PDE7A: variants seen among roughly 807,000 people sequenced by gnomAD.
PDE7A encodes phosphodiesterase 7A, also known as high affinity 3',5'-cyclic-AMP phosphodiesterase 7A.
Under a neutral mutation model 64.3 loss-of-function variants are expected in PDE7A, and 39 were observed. That is an observed-to-expected ratio of 0.61 (90% CI 0.47 to 0.79). PDE7A has a LOEUF of 0.79. PDE7A is among the 30% of genes least tolerant of loss of function. The probability of loss-of-function intolerance (pLI) is 0.00; values close to 1 mark genes in which losing one functional copy is unlikely to be tolerated. For missense variants in PDE7A, 470 were observed against 582.8 expected, an observed-to-expected ratio of 0.81 and a Z score of 1.99; for synonymous variants, 203 against 206.8, an observed-to-expected ratio of 0.98 and a Z score of 0.16.
In PDE7A at chr8:65,718,593, A is replaced by G. The variant is rs1473719927; in HGVS notation, c.*697T>C. 1 of 152,350 alleles carries G rather than the reference A, an allele frequency of 6.6e-6. No homozygotes were observed. Among genetic ancestry groups the G allele is most frequent in the Non-Finnish European group, 1.5e-5 (1 of 68,134 alleles). 9.4% of individuals were successfully genotyped at this position (152,350 alleles called of 1,614,324 possible). A position where few individuals can be genotyped will look rare whatever the true frequency, so the allele number is the denominator to read the frequency against. The stretch of plus-strand genomic sequence containing the variant: ...ATTGCTAAAAAAAATTGCATTGCCA[A>G]ACGGCACTGGAGTGAAAGCTTGGCG... On this transcript the variant is annotated 3_prime_UTR_variant, in exon 13 of 13. Transcript: ENST00000401827.
chr8:65,820,707 A>G (rs1194662214), intron 1 of PDE7A, among the ~76,000 whole-genome samples: 3 of 151,468 alleles, frequency 2.0e-5, no homozygotes, highest in Admixed American at 6.6e-5. Context: ...CTCGTGCCTC[A>G]GCCTCTCAAG....
At chr8:65,815,222 A>T (rs1810371213) in intron 1 of PDE7A, among the ~76,000 whole-genome samples, 1 of 152,224 alleles carries the variant, frequency 6.6e-6, no homozygotes, top group African/African-American at 2.4e-5. Context: ...TAGATAATCT[A>T]TGATCCCAGC....
intron 1 of PDE7A, among the ~76,000 whole-genome samples, chr8:65,791,962 A>G (rs537962180): frequency 1.3e-5 from 2 of 152,234 alleles, no homozygotes; most frequent in South Asian, 4.1e-4. Context: ...TAAAATTTCA[A>G]TAAGATGAAA....
intron 1 of PDE7A, among the ~76,000 whole-genome samples, chr8:65,816,444 CTCT>C (rs1810404571): frequency 1.3e-5 from 2 of 152,130 alleles, no homozygotes; most frequent in Non-Finnish European, 2.9e-5. Context: ...ATTTCCAGTG[CTCT>C]TCATTTCTTC....
intron 1 of PDE7A, among the ~76,000 whole-genome samples, chr8:65,806,923 C>G (rs558620076): frequency 6.8e-4 from 104 of 152,332 alleles, no homozygotes; most frequent in Non-Finnish European, 1.2e-3. Context: ...TGCCAGCACC[C>G]CACTGTCTTG....
chr8:65,774,762 T>C (rs1809209533), intron 3 of PDE7A, among the ~76,000 whole-genome samples: 1 of 151,986 alleles, frequency 6.6e-6, no homozygotes, highest in African/African-American at 2.4e-5. Flanking sequence ...ATAAATAACA[T>C]TTTTATTAAA....
At chr8:65,798,021 TA>T (rs2128927390) in intron 1 of PDE7A, among the ~76,000 whole-genome samples, 1 of 149,970 alleles carries the variant, frequency 6.7e-6, no homozygotes, top group Non-Finnish European at 1.5e-5. Flanking sequence ...TCACTAAAAC[TA>T]AAAACCTCTG....
chr8:65,723,503 AT>A (rs746847537), intron 12 of PDE7A, 37 bp downstream of exon 12: 2 of 1,412,132 alleles, frequency 1.4e-6, no homozygotes, highest in East Asian at 5.3e-5. Flanking sequence ...AAACAGTGGC[AT>A]TTTTCTAACC....
chr8:65,729,352 C>T (rs950224955), intron 7 of PDE7A, among the ~76,000 whole-genome samples: 7 of 123,772 alleles, frequency 5.7e-5, no homozygotes, highest in East Asian at 2.6e-4. Context: ...CAGTGAGTTT[C>T]GTTGGTGGTA....
rs1420842837 is a variant in PDE7A at position 65,715,551 on chromosome 8, C to A, written c.*3739G>T. On this transcript the variant is annotated 3_prime_UTR_variant, in exon 13 of 13. Coordinates refer to ENST00000401827, the MANE Select transcript of PDE7A (RefSeq NM_001242318.3). ...CGCCACCACGCCCAGCTAATTTTTG[C>A]ATTTTTAGTAGAGATGGGGTTTCAC... 2.0e-5 allele frequency among the ~76,000 whole-genome samples: 3 copies of A among 151,122 alleles called. No individual in the cohort carries two copies. Among genetic ancestry groups the A allele is most frequent in the African/African-American group, 4.8e-5 (2 of 41,240 alleles).
chr8:65,757,342 A>G (rs1808280802), intron 3 of PDE7A, among the ~76,000 whole-genome samples: 1 of 152,240 alleles, frequency 6.6e-6, no homozygotes. Context: ...GGGCAAAAAC[A>G]TAATACCACA....
At chr8:65,772,771 A>T (rs1809144041) in intron 3 of PDE7A, among the ~76,000 whole-genome samples, 1 of 152,220 alleles carries the variant, frequency 6.6e-6, no homozygotes, top group South Asian at 2.1e-4. Flanking sequence ...TGGGAGGCCA[A>T]GGCAGGCAGA....
chr8:65,759,941 T>G (rs1228936782), intron 3 of PDE7A, among the ~76,000 whole-genome samples: 1 of 152,186 alleles, frequency 6.6e-6, no homozygotes, highest in East Asian at 1.9e-4. Flanking sequence ...ACTATTTTTT[T>G]CACATCAGAA....
chr8:65,718,421 A>T lies in PDE7A; in HGVS notation c.*869T>A, dbSNP rs550170319. The T allele has an allele frequency of 6.6e-6, 1 of 152,378 alleles. No individual in the cohort carries two copies. Among genetic ancestry groups the T allele is most frequent in the African/African-American group, 2.4e-5 (1 of 41,582 alleles). 9.4% of individuals were successfully genotyped at this position (152,378 alleles called of 1,614,324 possible). Reference sequence around the variant, plus strand: ...TCAGATTGGCAAATACCCTGAGCTGATTATGGTGTTTTAAACATTCCACCT... The same window carrying T: ...TCAGATTGGCAAATACCCTGAGCTGTTTATGGTGTTTTAAACATTCCACCT... On this transcript the variant is annotated 3_prime_UTR_variant, in exon 13 of 13. Coordinates refer to ENST00000401827, the MANE Select transcript of PDE7A (RefSeq NM_001242318.3).
intron 9 of PDE7A, among the ~76,000 whole-genome samples, chr8:65,726,537 G>A (rs1806620250): frequency 6.6e-6 from 1 of 151,952 alleles, no homozygotes. Context: ...TTTATACCTA[G>A]ACCTTAAGGT....
rs1233754673 is a variant in PDE7A, at chr8:65,724,416, C to T, written c.1066-65G>A. ...ACACTTGACAATAATACCAAAGAAC[C>T]AAGTGCAAGGACTGGATTAACCATA... On this transcript the variant is annotated intron_variant, in intron 10 of 12. Coordinates refer to ENST00000401827, the MANE Select transcript of PDE7A (RefSeq NM_001242318.3). The T allele has an allele frequency of 3.8e-6, 4 of 1,041,412 alleles. No homozygotes were observed. In the East Asian group the frequency reaches 9.6e-5, roughly 25 times the overall value. 64.5% of individuals were successfully genotyped at this position (1,041,412 alleles called of 1,614,324 possible).
At chr8:65,793,182 C>T (rs116454450) in intron 1 of PDE7A, among the ~76,000 whole-genome samples, 7 of 152,172 alleles carry the variant, frequency 4.6e-5, no homozygotes, top group African/African-American at 1.7e-4. Flanking sequence ...AGTATTTGGG[C>T]GGAAATACTT....
intron 1 of PDE7A, among the ~76,000 whole-genome samples, chr8:65,816,065 C>T (rs1052171188): frequency 1.3e-5 from 2 of 152,124 alleles, no homozygotes; most frequent in Non-Finnish European, 2.9e-5. Flanking sequence ...TCATTTAACA[C>T]ATGTTATTTA....
intron 3 of PDE7A, among the ~76,000 whole-genome samples, chr8:65,760,616 T>A (rs1808441401): frequency 6.6e-6 from 1 of 152,136 alleles, no homozygotes; most frequent in Admixed American, 6.5e-5. Context: ...TCAAGAACTA[T>A]AAATCAAGGA....
Sources: allele counts gnomAD v4.1 joint callset (sites outside exome capture counted in the v4.1 genomes callset), GRCh38; gene constraint gnomAD v4.1.1; transcripts MANE v1.5; gene names NCBI Gene and HGNC (gene_info 2026-07-23, HGNC 2026-07-21).